Variants in TMTC1 observed in about 807,000 individuals in gnomAD.
TMTC1 encodes transmembrane O-mannosyltransferase targeting cadherins 1.
TMTC1 carries 73 observed loss-of-function variants against 104.8 expected under a neutral mutation model. The ratio of observed to expected loss-of-function variants is 0.70; its 90% CI spans 0.58 to 0.85. The LOEUF (loss-of-function observed/expected upper bound fraction) is 0.85, where lower values mean the gene tolerates loss of function less well. TMTC1 is among the 40% of genes least tolerant of loss of function. The pLI is 0.00. For synonymous variants in TMTC1, 434 were observed against 428.7 expected, an observed-to-expected ratio of 1.01 and a Z score of -0.15; for missense variants, 1,035 against 1,096.1, an observed-to-expected ratio of 0.94 and a Z score of 0.79.
chr12:29,627,203 C>G (rs1213476892), intron 6 of TMTC1, among the ~76,000 whole-genome samples: 1 of 152,128 alleles, frequency 6.6e-6, no homozygotes, highest in Non-Finnish European at 1.5e-5. Flanking sequence ...ATTTGCAAAT[C>G]AAATATCTTT....
At chr12:29,531,232 C>CT (rs1944494351) in intron 11 of TMTC1, among the ~76,000 whole-genome samples, 2 of 152,256 alleles carry the variant, frequency 1.3e-5, no homozygotes, top group African/African-American at 4.8e-5. Flanking sequence ...AAGTTAGGGT[C>CT]TTCGTCCAAG....
intron 5 of TMTC1, among the ~76,000 whole-genome samples, chr12:29,667,653 C>A (rs1940336348): frequency 1.3e-5 from 2 of 152,144 alleles, no homozygotes; most frequent in Admixed American, 1.3e-4. Context: ...TGTCAAAGGT[C>A]AATGAGTTTA....
chr12:29,635,748 C>T (rs568903585), intron 5 of TMTC1, among the ~76,000 whole-genome samples: 1 of 152,286 alleles, frequency 6.6e-6, no homozygotes, highest in African/African-American at 2.4e-5. Flanking sequence ...ACACAGGAAA[C>T]AACAGAACAT....
intron 10 of TMTC1, among the ~76,000 whole-genome samples, chr12:29,546,541 T>C (rs1944947071): frequency 6.6e-6 from 1 of 152,090 alleles, no homozygotes; most frequent in African/African-American, 2.4e-5. Flanking sequence ...CCTTCCTATT[T>C]CTCTTCCTGG....
rs1035299540 is a variant in TMTC1, at chr12:29,742,729, G to C, written c.938+8937C>G. ...AAATATGCCTTTTGAGACATAACAA[G>C]GATGGCATTCATCAGTTAAGAATTA... On this transcript the variant is annotated intron_variant, in intron 5 of 17. Coordinates refer to ENST00000539277, the MANE Select transcript of TMTC1 (RefSeq NM_001193451.2). Among the ~76,000 whole-genome samples, 16 of 152,122 alleles carry C rather than the reference G, an allele frequency of 1.1e-4. 1 individual carries two copies. Among genetic ancestry groups the C allele is most frequent in the Non-Finnish European group, 1.5e-4 (10 of 68,016 alleles).
At chr12:29,575,708 G>T (rs1295699575) in intron 8 of TMTC1, among the ~76,000 whole-genome samples, 1 of 152,138 alleles carries the variant, frequency 6.6e-6, no homozygotes, top group African/African-American at 2.4e-5. Context: ...AGTGAACATG[G>T]GAGTGCAGAT....
intron 5 of TMTC1, among the ~76,000 whole-genome samples, chr12:29,666,528 C>T (rs569190771): frequency 1.3e-5 from 2 of 152,066 alleles, no homozygotes; most frequent in African/African-American, 2.4e-5. Context: ...CCACCACACC[C>T]GGCCTACCCC....
At chr12:29,618,401 A>G (rs545112991) in intron 6 of TMTC1, among the ~76,000 whole-genome samples, 1 of 152,292 alleles carries the variant, frequency 6.6e-6, no homozygotes, top group Admixed American at 6.5e-5. Flanking sequence ...ATTATATTAC[A>G]GGTGAAAAAT....
chr12:29,647,531 G>A (rs1277348126), intron 5 of TMTC1, among the ~76,000 whole-genome samples: 2 of 152,188 alleles, frequency 1.3e-5, no homozygotes, highest in African/African-American at 4.8e-5. Context: ...GTCCTAGGCT[G>A]TAACAATGAA....
chr12:29,520,447 G>A lies in TMTC1; in HGVS notation c.1888+171C>T, dbSNP rs564513944. On this transcript the variant is annotated intron_variant, in intron 12 of 17. Coordinates refer to ENST00000539277, the MANE Select transcript of TMTC1 (RefSeq NM_001193451.2). The stretch of plus-strand genomic sequence containing the variant: ...GAGAATGGCCAGATTTTACTGAATC[G>A]AGCTTGAAGATCTAGAGAAATGACA... 4.5e-4 allele frequency among the ~76,000 whole-genome samples: 69 copies of A among 152,230 alleles called. 1 individual carries two copies. Among genetic ancestry groups the A allele is most frequent in the African/African-American group, 1.5e-3 (63 of 41,528 alleles).
intron 8 of TMTC1, among the ~76,000 whole-genome samples, chr12:29,573,527 T>A (rs1945739049): frequency 2.0e-5 from 3 of 152,158 alleles, no homozygotes; most frequent in Admixed American, 2.0e-4. Flanking sequence ...AGGAGGGGAT[T>A]ACAAGATGAC....
rs1323165669 is a variant in TMTC1, at chr12:29,512,233, C to T, written c.2431-113G>A. On this transcript the variant is annotated intron_variant, in intron 16 of 17. Transcript: ENST00000539277. ...TAAAGTAGTAATACAATGAAACCAGCCGCTACTAGTTCACAGGAGACCCTG... is the reference window on the plus strand; with the variant it reads ...TAAAGTAGTAATACAATGAAACCAGTCGCTACTAGTTCACAGGAGACCCTG... 5 of 745,266 alleles carry T rather than the reference C, an allele frequency of 6.7e-6. No individual in the cohort carries two copies. In the East Asian group the frequency reaches 1.1e-4, roughly 16 times the overall value. 46.2% of individuals were successfully genotyped at this position (745,266 alleles called of 1,614,324 possible).
At chr12:29,576,504 C>T (rs1182110364) in intron 8 of TMTC1, among the ~76,000 whole-genome samples, 9 of 152,090 alleles carry the variant, frequency 5.9e-5, no homozygotes. Context: ...CTGAGGGACA[C>T]TATGCTAAGT....
intron 5 of TMTC1, among the ~76,000 whole-genome samples, chr12:29,717,698 T>C (rs542647462): frequency 6.6e-6 from 1 of 152,346 alleles, no homozygotes; most frequent in South Asian, 2.1e-4. Flanking sequence ...GAGGTCATAC[T>C]ATTCCAAAAC....
intron 4 of TMTC1, among the ~76,000 whole-genome samples, chr12:29,754,569 TAAA>T (rs1943170852): frequency 6.6e-6 from 1 of 152,196 alleles, no homozygotes; most frequent in African/African-American, 2.4e-5. Context: ...GGTTGTTCCC[TAAA>T]AAGTAAGATG....
chr12:29,597,823 G>A (rs1380808106), intron 7 of TMTC1, among the ~76,000 whole-genome samples: 1 of 152,120 alleles, frequency 6.6e-6, no homozygotes, highest in African/African-American at 2.4e-5. Flanking sequence ...GGGGTGAATG[G>A]GGGAGAAGGA....
intron 5 of TMTC1, among the ~76,000 whole-genome samples, chr12:29,638,946 G>A (rs1938700130): frequency 6.6e-6 from 1 of 152,182 alleles, no homozygotes; most frequent in South Asian, 2.1e-4. Context: ...AGCCATGACA[G>A]GCCTACACAG....
intron 5 of TMTC1, among the ~76,000 whole-genome samples, chr12:29,643,098 G>A (rs112252691): frequency 0.016 from 2,484 of 152,012 alleles, 18 homozygotes; most frequent in Non-Finnish European, 0.027. Flanking sequence ...ATGTGATACC[G>A]CCTTACTCCT....
chr12:29,635,042 T>C (rs58777345), intron 5 of TMTC1, among the ~76,000 whole-genome samples: 5,642 of 152,210 alleles, frequency 0.037, 339 homozygotes, highest in African/African-American at 0.12. Context: ...AACAAAGACA[T>C]GGGTTGAAAG....
Sources: allele counts gnomAD v4.1 joint callset (sites outside exome capture counted in the v4.1 genomes callset), GRCh38; gene constraint gnomAD v4.1.1; transcripts MANE v1.5; gene names NCBI Gene and HGNC (gene_info 2026-07-23, HGNC 2026-07-21).